ERMP1: variants seen among roughly 807,000 people sequenced by gnomAD.
ERMP1 encodes the protein Felix-ina.
ERMP1 carries 86 observed loss-of-function variants against 92.0 expected under a neutral mutation model. The ratio of observed to expected loss-of-function variants is 0.93; its 90% CI spans 0.79 to 1.12. ERMP1 has a LOEUF of 1.12. ERMP1 is among the 50% of genes most tolerant of loss of function. The pLI, the probability that ERMP1 is intolerant of heterozygous loss-of-function variation, is 0.00. For synonymous variants in ERMP1, 530 were observed against 412.8 expected (o/e 1.28, Z -3.44); for missense variants, 1,342 against 1,116.3 (o/e 1.20, Z -2.88).
chr9:5,831,802 G>C (rs1011464496), intron 1 of ERMP1, among the ~76,000 whole-genome samples: 1 of 152,016 alleles, frequency 6.6e-6, no homozygotes, highest in Non-Finnish European at 1.5e-5. Flanking sequence ...ATACACCCAA[G>C]GTCTAATAAC....
chr9:5,811,440 G>C lies in ERMP1; in HGVS notation c.1115-117C>G, dbSNP rs1157428088. 18 of 728,652 alleles carry C rather than the reference G, an allele frequency of 2.5e-5. No individual in the cohort carries two copies. In the Admixed American group the frequency reaches 4.1e-4, roughly 17 times the overall value. 45.1% of individuals were successfully genotyped at this position (728,652 alleles called of 1,614,324 possible). Reference sequence around the variant, plus strand: ...AGCAGAAATAAACCATATACTGTTTGAATGAAGAAATGGTTAGAAAGAATG... The same window carrying C: ...AGCAGAAATAAACCATATACTGTTTCAATGAAGAAATGGTTAGAAAGAATG... On this transcript the variant is annotated intron_variant, in intron 6 of 14. Coordinates refer to ENST00000339450, the MANE Select transcript of ERMP1 (RefSeq NM_024896.3).
At chr9:5,803,344 G>A (rs1240110510) in intron 10 of ERMP1, among the ~76,000 whole-genome samples, 2 of 152,214 alleles carry the variant, frequency 1.3e-5, no homozygotes, top group Admixed American at 6.5e-5. Context: ...CCAAGAGGCA[G>A]TCTTCTCTCC....
At chr9:5,829,089 C>CA (rs1207014568) in intron 2 of ERMP1, among the ~76,000 whole-genome samples, 6 of 151,456 alleles carry the variant, frequency 4.0e-5, no homozygotes, top group South Asian at 2.1e-4. Context: ...GCCAAAAATA[C>CA]AAAAAAAATC....
intron 2 of ERMP1, among the ~76,000 whole-genome samples, chr9:5,829,267 C>T (rs1829849522): frequency 6.7e-6 from 1 of 150,178 alleles, no homozygotes. Context: ...CCCAGCAGCA[C>T]ACGAAGGTAC....
At chr9:5,819,377 G>A (rs932715255) in intron 4 of ERMP1, among the ~76,000 whole-genome samples, 5 of 152,280 alleles carry the variant, frequency 3.3e-5, no homozygotes, top group African/African-American at 1.2e-4. Context: ...ATGCACAAAT[G>A]CCTGATAACA....
rs1191965775 is a variant in ERMP1 at position 5,805,548 on chromosome 9, C to T, written c.1723+63G>A. The T allele has an allele frequency of 7.9e-6, 11 of 1,394,264 alleles. No individual in the cohort carries two copies. The African/African-American group carries it at 1.6e-4, about 21-fold the overall frequency. The allele number at this position is 1,394,264 out of a possible 1,614,324, so 86.4% of individuals were successfully genotyped here. On this transcript the variant is annotated intron_variant, in intron 9 of 14. Coordinates refer to ENST00000339450, the MANE Select transcript of ERMP1 (RefSeq NM_024896.3). ...CCAATAAAACCAAAAAAGAAAGAGT[C>T]CCTGAAAGCCTTAAGTATTTTAAGG...
Position 5,832,822 on chromosome 9 carries a change from G to A in ERMP1, c.206C>T (p.Ser69Phe). 1 of 1,503,172 alleles carries A rather than the reference G, an allele frequency of 6.7e-7. No homozygotes were observed. Among genetic ancestry groups the A allele is most frequent in the South Asian group, 1.2e-5 (1 of 80,440 alleles). The allele number at this position is 1,503,172 out of a possible 1,614,324, so 93.1% of individuals were successfully genotyped here. ...GASRGAGTGL[S>F]EVRAALGLAL... ...GAGCCCCAGCGCGGCGCGCACCTCA[G>A]ACAGCCCGGTCCCCGCGCCCCTGCT... The change falls in exon 1 of 15, where the codon TCT (serine) becomes TTT (phenylalanine). Residue 69 changes from serine (S) to phenylalanine (F), a missense_variant. Physicochemically the swap from Ser to Phe is radical, Grantham distance 155. Coordinates refer to ENST00000339450, the MANE Select transcript of ERMP1 (RefSeq NM_024896.3).
intron 4 of ERMP1, among the ~76,000 whole-genome samples, chr9:5,813,953 G>T (rs1020031140): frequency 1.3e-5 from 2 of 150,652 alleles, no homozygotes; most frequent in African/African-American, 4.9e-5. Context: ...GCTGAAAAAG[G>T]ATTATACATT....
At chr9:5,838,809 A>G (rs186231655) in intron 6 of ERMP1, among the ~76,000 whole-genome samples, 289 of 152,308 alleles carry the variant, frequency 1.9e-3, no homozygotes, top group African/African-American at 6.4e-3. Flanking sequence ...GAAACAAAAA[A>G]AAAAGACACA....
rs372868521 is a variant in ERMP1 at position 5,832,963 on chromosome 9, C to T, written c.65G>A (p.Gly22Glu). The T allele has an allele frequency of 4.0e-5, 62 of 1,566,150 alleles. No individual in the cohort carries two copies. Among genetic ancestry groups the T allele is most frequent in the Non-Finnish European group, 5.2e-5 (61 of 1,167,070 alleles). ...CTCCGGCGGTGGCGCGGCCGCCGCT[C>T]CCTCTCGACGCTCTACTCCGACGCG... ...RHRVGVERRE[G>E]AAAAPPPERE... The change falls in exon 1 of 15, where the codon GGA becomes GAA. Residue 22 changes from glycine to glutamate, a missense_variant. Physicochemically the swap from Gly to Glu is moderately conservative, Grantham distance 98. Coordinates refer to ENST00000339450, the MANE Select transcript of ERMP1 (RefSeq NM_024896.3).
chr9:5,857,436 G>A (rs1182094936), intron 6 of ERMP1, among the ~76,000 whole-genome samples: 5 of 152,164 alleles, frequency 3.3e-5, no homozygotes, highest in African/African-American at 9.7e-5. Flanking sequence ...CTCTGCGTGT[G>A]TCTCAATGAC....
intron 10 of ERMP1, among the ~76,000 whole-genome samples, chr9:5,803,981 T>A (rs1026459385): frequency 3.9e-5 from 6 of 152,194 alleles, no homozygotes; most frequent in Non-Finnish European, 8.8e-5. Flanking sequence ...TTACTGGCTA[T>A]AAGGGACTTC....
At chr9:5,824,956 G>A in intron 3 of ERMP1, 136 bp downstream of exon 3, 2 of 805,516 alleles carry the variant, frequency 2.5e-6, no homozygotes, top group South Asian at 3.6e-5. Context: ...TGCTCATAAA[G>A]TATTTTTCTG....
chr9:5,846,350 T>C (rs1665614477), intron 6 of ERMP1, among the ~76,000 whole-genome samples: 1 of 152,178 alleles, frequency 6.6e-6, no homozygotes, highest in African/African-American at 2.4e-5. Flanking sequence ...ATCCTAGCTC[T>C]GCTACTAATT....
intron 6 of ERMP1, among the ~76,000 whole-genome samples, chr9:5,850,068 G>C (rs994409119): frequency 2.0e-5 from 3 of 152,090 alleles, no homozygotes; most frequent in African/African-American, 7.2e-5. Context: ...AGGCCCAAAA[G>C]GTCACACAGC....
rs764540634 is a variant in ERMP1 at position 5,825,232 on chromosome 9, A to T, written c.641-13T>A. 1.2e-6 allele frequency: 2 copies of T among 1,604,226 alleles called. No homozygotes were observed. The highest frequency in any genetic ancestry group is 2.3e-5 in the South Asian group (2 of 88,692). ...TCATCACTGGCACCTTCAAATCAGA[A>T]AAACAAATTTGCTGCTCAGATTTTA... On this transcript the variant is annotated splice_polypyrimidine_tract_variant and intron_variant, in intron 2 of 14. Transcript: ENST00000339450.
intron 13 of ERMP1, among the ~76,000 whole-genome samples, 169 bp downstream of exon 13, chr9:5,797,647 CA>C (rs58936639): frequency 0.34 from 39,620 of 117,058 alleles, 5,616 homozygotes; most frequent in East Asian, 0.56. Context: ...GACTCCATCT[CA>C]AAAAAAAAAA....
At chr9:5,840,484 G>T (rs566599334) in intron 6 of ERMP1, among the ~76,000 whole-genome samples, 1 of 152,162 alleles carries the variant, frequency 6.6e-6, no homozygotes, top group Non-Finnish European at 1.5e-5. Flanking sequence ...TGAATGTCAG[G>T]TCTGCACTGC....
chr9:5,829,188 C>G (rs553926654), intron 2 of ERMP1, among the ~76,000 whole-genome samples: 24 of 138,504 alleles, frequency 1.7e-4, no homozygotes, highest in African/African-American at 6.5e-4. Flanking sequence ...GCATGCCAGC[C>G]TGGTGACAGA....
Sources: gnomAD v4.1 joint callset for allele counts (sites outside exome capture counted in the v4.1 genomes callset) on GRCh38, gnomAD v4.1.1 for gene constraint, MANE v1.5 for transcripts, NCBI Gene and HGNC (gene_info 2026-07-23, HGNC 2026-07-21) for gene names.